The following CEACAM21 variants were observed in gnomAD, a reference collection of about 807,000 sequenced individuals.
The protein encoded by CEACAM21 is CEA cell adhesion molecule 21, also known as cell adhesion molecule CEACAM21.
Under a neutral mutation model 33.2 loss-of-function variants are expected in CEACAM21, and 38 were observed. The ratio of observed to expected loss-of-function variants is 1.14; its 90% CI spans 0.88 to 1.50. The LOEUF is 1.50. Among genes scored for constraint, CEACAM21 ranks in the 40% most tolerant of loss-of-function variants. CEACAM21 has a pLI of 0.00. For synonymous variants in CEACAM21, 156 were observed against 143.0 expected (o/e 1.09, Z -0.65); for missense variants, 385 against 364.6 (o/e 1.06, Z -0.46).
upstream of CEACAM21, among the ~76,000 whole-genome samples, chr19:41,574,313 A>G (rs1359052185): frequency 6.6e-6 from 1 of 152,262 alleles, no homozygotes; most frequent in African/African-American, 2.4e-5. Context: ...TATGACATCA[A>G]GAGCATAAGT....
chr19:41,570,740 A>G lies in CEACAM21; in HGVS notation c.-404+5684A>G, dbSNP rs552993334. On this transcript the variant is annotated intron_variant, in intron 2 of 7. Transcript: ENST00000407170. ...CGTGGAGGGCTGGGGTTGTGGCAGT[A>G]AAAGCAGCCACATTTGTCTCAGGGT... Among the ~76,000 whole-genome samples, 404 of 152,296 alleles carry G rather than the reference A, an allele frequency of 2.7e-3. 1 individual carries two copies. Among genetic ancestry groups the G allele is most frequent in the African/African-American group, 9.3e-3 (386 of 41,548 alleles).
At chr19:41,584,868 G>T (rs1238066849) in intron 4 of CEACAM21, among the ~76,000 whole-genome samples, 1 of 152,186 alleles carries the variant, frequency 6.6e-6, no homozygotes, top group East Asian at 1.9e-4. Flanking sequence ...GCACCCCTTT[G>T]ACTGACATGG....
rs1356694758 is a variant in CEACAM21 at position 41,586,061 on chromosome 19, C to T, written c.*190C>T. The T allele has an allele frequency of 1.6e-5, 10 of 636,368 alleles. No homozygotes were observed. The East Asian group carries it at 2.7e-4, about 17-fold the overall frequency. The allele number at this position is 636,368 out of a possible 1,614,324, so 39.4% of individuals were successfully genotyped here. On this transcript the variant is annotated intron_variant, in intron 6 of 6. Transcript: ENST00000401445. ...CATCCACTCCCTGTGCTAACCCCAC[C>T]CTGGGACCCTCCATCACCTGAGGAG...
In CEACAM21 at chr19:41,564,399, T is replaced by C. The variant is rs375878165; in HGVS notation, c.-778-283T>C. On this transcript the variant is annotated intron_variant, in intron 1 of 7. Coordinates refer to the CEACAM21 transcript ENST00000407170. ...GCCCTCCTGCTCCTCGGGAGGCTTC[T>C]GTCCTGAGCTCGCCTTAGCTAATCC... Among the ~76,000 whole-genome samples the C allele has an allele frequency of 3.3e-4, 50 of 152,214 alleles. 1 individual carries two copies. The South Asian group carries it at 8.7e-3, about 27-fold the overall frequency.
chr19:41,575,000 C>G (rs2042841651), upstream of CEACAM21, among the ~76,000 whole-genome samples: 1 of 152,162 alleles, frequency 6.6e-6, no homozygotes, highest in South Asian at 2.1e-4. Context: ...GGATATTACT[C>G]AGCCATAAAT....
rs2043027235 is a variant in CEACAM21, at chr19:41,577,374, C to T, written c.239C>T (p.Ala80Val). Residue 80 changes from alanine to valine, a missense_variant, in exon 2 of 7, where the codon GCA (alanine) becomes GTA (valine). Physicochemically the swap from Ala to Val is moderately conservative, Grantham distance 64. Transcript: ENST00000401445. ...ACGGTGGAGCCCAACCAGCTAATCG[C>T]AGCATATGTAATAGACACTCACGTT... is the stretch of plus-strand genomic sequence containing the variant. ...GKTVEPNQLI[A>V]AYVIDTHVRT... 5 of 1,612,928 alleles carry T rather than the reference C, an allele frequency of 3.1e-6. No individual in the cohort carries two copies. Among genetic ancestry groups the T allele is most frequent in the South Asian group, 1.1e-5 (1 of 90,950 alleles).
chr19:41,560,269 C>CTGGA (rs782289892), intron 1 of CEACAM21, among the ~76,000 whole-genome samples: 21 of 152,134 alleles, frequency 1.4e-4, no homozygotes, highest in Middle Eastern at 3.4e-3. Context: ...GTCATCCAGG[C>CTGGA]TGGAGTACAG....
At chr19:41,560,277 C>G (rs1019642692) in intron 1 of CEACAM21, among the ~76,000 whole-genome samples, 2 of 151,920 alleles carry the variant, frequency 1.3e-5, no homozygotes, top group Non-Finnish European at 2.9e-5. Context: ...GGCTGGAGTA[C>G]AGTGGCACAA....
upstream of CEACAM21, among the ~76,000 whole-genome samples, chr19:41,571,175 T>C (rs2042589393): frequency 6.6e-6 from 1 of 152,054 alleles, no homozygotes; most frequent in South Asian, 2.1e-4. Context: ...AAATTTCCCC[T>C]GGCAGAGTCA....
intron 1 of CEACAM21, among the ~76,000 whole-genome samples, chr19:41,561,018 T>C (rs73560860): frequency 0.03 from 4,596 of 152,198 alleles, 239 homozygotes; most frequent in African/African-American, 0.1. Context: ...AAGAAACAAT[T>C]ATAATTTACA....
At chr19:41,558,435 C>T (rs1240011860) in intron 1 of CEACAM21, among the ~76,000 whole-genome samples, 13 of 152,124 alleles carry the variant, frequency 8.5e-5, no homozygotes, top group Admixed American at 7.9e-4. Context: ...ATCATGAGGT[C>T]AGGAGATCGA....
chr19:41,585,917 G>A (rs2070703696), intron 6 of CEACAM21, 46 bp downstream of exon 6: 1 of 1,596,776 alleles, frequency 6.3e-7, no homozygotes, highest in Admixed American at 1.7e-5. Flanking sequence ...GGCCCCAGCT[G>A]TGCAGGCTCA....
Position 41,576,355 on chromosome 19 carries a change from C to T in CEACAM21, c.64+17C>T, listed in dbSNP as rs782615129. 2.0e-5 allele frequency: 32 copies of T among 1,603,160 alleles called. No homozygotes were observed. The highest frequency in any genetic ancestry group is 2.6e-5 in the Non-Finnish European group (30 of 1,174,800). On this transcript the variant is annotated intron_variant, in intron 1 of 6. Transcript: ENST00000401445. Reference sequence around the variant, plus strand: ...TGCTCACAGGTGAGGGGAGGACTCCCTGGGAGTGGGTGGGAGGAGGGAGCA... The same window carrying T: ...TGCTCACAGGTGAGGGGAGGACTCCTTGGGAGTGGGTGGGAGGAGGGAGCA...
At chr19:41,550,145 T>C (rs1199381949) in intron 1 of CEACAM21, 1 of 152,236 alleles carries the variant, frequency 6.6e-6, no homozygotes, top group East Asian at 1.9e-4. Context: ...CAGTTGTATG[T>C]GAACTATGTT....
At chr19:41,571,679 C>G (rs1033550628), upstream of CEACAM21, among the ~76,000 whole-genome samples, 1 of 152,244 alleles carries the variant, frequency 6.6e-6, no homozygotes, top group Non-Finnish European at 1.5e-5. Flanking sequence ...TAAGAATCTA[C>G]TCTCCCCCAA....
At chr19:41,563,447 C>A (rs1167770559) in intron 1 of CEACAM21, among the ~76,000 whole-genome samples, 3 of 152,202 alleles carry the variant, frequency 2.0e-5, no homozygotes, top group Admixed American at 2.0e-4. Context: ...AGGCGAGGCA[C>A]TCTGTAACCC....
At chr19:41,556,669 G>A (rs1253694402) in intron 1 of CEACAM21, among the ~76,000 whole-genome samples, 5 of 152,178 alleles carry the variant, frequency 3.3e-5, no homozygotes, top group Non-Finnish European at 4.4e-5. Flanking sequence ...AACCAAAGGC[G>A]CTGGGGCCCT....
chr19:41,565,123 T>C (rs113572247), intron 2 of CEACAM21: 21,911 of 152,468 alleles, frequency 0.14, 4,980 homozygotes, highest in African/African-American at 0.48. Context: ...AGGCCAGCTG[T>C]GGCTGGGACG....
At chr19:41,561,143 T>C (rs1220346332) in intron 1 of CEACAM21, among the ~76,000 whole-genome samples, 2 of 152,194 alleles carry the variant, frequency 1.3e-5, no homozygotes, top group East Asian at 3.8e-4. Flanking sequence ...CACAATGACA[T>C]TTGTTGAATA....
Sources: allele counts gnomAD v4.1 joint callset (sites outside exome capture counted in the v4.1 genomes callset), GRCh38; gene constraint gnomAD v4.1.1; transcripts MANE v1.5; gene names NCBI Gene and HGNC (gene_info 2026-07-23, HGNC 2026-07-21).